The following ZNF618 variants were observed in gnomAD, a reference collection of about 807,000 sequenced individuals.
ZNF618 encodes neural precursor cell expressed, developmentally down-regulated 10.
In ZNF618, 34 loss-of-function variants were observed where a neutral mutation model predicts 103.0. That is an observed-to-expected ratio of 0.33 (90% CI 0.25 to 0.44). The LOEUF is 0.44. ZNF618 is among the 20% of genes least tolerant of loss of function. The probability of loss-of-function intolerance (pLI) is 1.00; values close to 1 mark genes in which losing one functional copy is unlikely to be tolerated. For synonymous variants in ZNF618, 551 were observed against 542.2 expected, an observed-to-expected ratio of 1.02 and a Z score of -0.23; for missense variants, 1,059 against 1,295.4, an observed-to-expected ratio of 0.82 and a Z score of 2.80.
chr9:113,970,578 A>T (rs1047826476), intron 2 of ZNF618, among the ~76,000 whole-genome samples: 7 of 152,016 alleles, frequency 4.6e-5, no homozygotes, highest in Admixed American at 1.3e-4. Context: ...GTCAACCCCT[A>T]GTCTAAACTG....
At chr9:114,004,521 C>T (rs1042747587) in intron 6 of ZNF618, among the ~76,000 whole-genome samples, 4 of 152,262 alleles carry the variant, frequency 2.6e-5, no homozygotes, top group South Asian at 4.1e-4. Flanking sequence ...TGTTGTGTTC[C>T]GTCTGGCTTC....
intron 13 of ZNF618, among the ~76,000 whole-genome samples, chr9:114,041,158 G>A (rs1441420001): frequency 3.9e-5 from 6 of 152,140 alleles, no homozygotes; most frequent in African/African-American, 7.2e-5. Context: ...CATATCCTTC[G>A]CCCCCTTTTT....
At chr9:113,964,111 C>G (rs1022147075) in intron 1 of ZNF618, among the ~76,000 whole-genome samples, 1 of 152,162 alleles carries the variant, frequency 6.6e-6, no homozygotes, top group African/African-American at 2.4e-5. Flanking sequence ...TTGAGCTTGG[C>G]TAGCTGAGGC....
rs542494620 is a variant in ZNF618 at position 113,881,129 on chromosome 9, C to T, written c.33+4716C>T. Among the ~76,000 whole-genome samples, 23 of 152,288 alleles carry T rather than the reference C, an allele frequency of 1.5e-4. No homozygotes were observed. The South Asian group carries it at 2.3e-3, about 15-fold the overall frequency. ...AAGGTCTTCTTGCTGGAGAGGAGAT[C>T]TAAAGTGTGTGGAGTCCTTGTCTTT... On this transcript the variant is annotated intron_variant, in intron 1 of 14. Transcript: ENST00000374126.
intron 2 of ZNF618, among the ~76,000 whole-genome samples, chr9:113,973,411 G>C (rs1011193646): frequency 7.2e-5 from 11 of 152,154 alleles, no homozygotes; most frequent in African/African-American, 2.7e-4. Context: ...TTTCTCCAGA[G>C]GGCCTCTGGC....
rs946312601 is a variant in ZNF618 at position 114,049,345 on chromosome 9, C to T, written c.2043C>T (p.Thr681=). 3 of 1,610,528 alleles carry T rather than the reference C, an allele frequency of 1.9e-6. No homozygotes were observed. The African/African-American group carries it at 4.0e-5, about 21-fold the overall frequency. ...LAGSTGLAKE[T]FGSLEETSPP... ...GCTCCACGGGCCTGGCCAAGGAGAC[C>T]TTCGGGTCGCTGGAGGAGACGTCTC... is the stretch of plus-strand genomic sequence containing the variant. The change falls in exon 15 of 15, where the codon ACC becomes ACT. Residue 681 remains threonine, a synonymous_variant. Transcript: ENST00000374126.
At chr9:113,888,834 CAG>C (rs916346806) in intron 1 of ZNF618, among the ~76,000 whole-genome samples, 2 of 152,280 alleles carry the variant, frequency 1.3e-5, no homozygotes, top group African/African-American at 4.8e-5. Context: ...GGCAGTTAAT[CAG>C]AGAATCAGAG....
intron 1 of ZNF618, among the ~76,000 whole-genome samples, chr9:113,906,530 A>G (rs554230946): frequency 2.3e-4 from 35 of 152,262 alleles, no homozygotes; most frequent in Admixed American, 2.6e-4. Flanking sequence ...CTTTCCTGAC[A>G]TCTACTGAAC....
chr9:113,922,472 GGTTT>G (rs1463794132), intron 1 of ZNF618, among the ~76,000 whole-genome samples: 2 of 108,218 alleles, frequency 1.8e-5, no homozygotes, highest in African/African-American at 6.1e-5. Context: ...GTTTTGTTTT[GGTTT>G]GTTTTTTTTT....
At chr9:113,927,833 T>C (rs868450159) in intron 1 of ZNF618, among the ~76,000 whole-genome samples, 1 of 152,336 alleles carries the variant, frequency 6.6e-6, no homozygotes, top group Middle Eastern at 3.4e-3. Context: ...GAGATTTTTC[T>C]TCCATCTTAA....
chr9:114,023,889 T>C (rs1021675124), intron 10 of ZNF618, among the ~76,000 whole-genome samples: 2 of 152,214 alleles, frequency 1.3e-5, no homozygotes, highest in Non-Finnish European at 2.9e-5. Context: ...ATTTCTTGGG[T>C]TAATAGTTTT....
intron 2 of ZNF618, among the ~76,000 whole-genome samples, chr9:113,973,881 T>C (rs1235564877): frequency 6.6e-6 from 1 of 152,164 alleles, no homozygotes; most frequent in Non-Finnish European, 1.5e-5. Flanking sequence ...TAGAAGAGGT[T>C]AAAGGGCTCA....
intron 2 of ZNF618, among the ~76,000 whole-genome samples, chr9:113,983,815 T>C (rs1839197065): frequency 6.6e-6 from 1 of 152,124 alleles, no homozygotes; most frequent in Non-Finnish European, 1.5e-5. Context: ...GGATAGGGCC[T>C]CTCCTGTGAT....
At chr9:113,951,577 A>ATG (rs33967417) in intron 1 of ZNF618, among the ~76,000 whole-genome samples, 751 of 49,134 alleles carry the variant, frequency 0.015, 146 homozygotes, top group African/African-American at 0.043. Flanking sequence ...GTGTGTGTAT[A>ATG]TGTGTGTGTG....
At chr9:113,961,046 G>A (rs1220066924) in intron 1 of ZNF618, among the ~76,000 whole-genome samples, 1 of 152,200 alleles carries the variant, frequency 6.6e-6, no homozygotes, top group Non-Finnish European at 1.5e-5. Context: ...TGCACGAGGT[G>A]CATGTCGCTC....
At position 113,933,996 on chromosome 9, in the gene ZNF618, G is replaced by A. The variant is rs369990852; in HGVS notation, c.34-35121G>A. ...CATTGCTAAGGACAAGGTCTAGGGT[G>A]TTACCTGGGAGCAGGGGTTGAGCTG... On this transcript the variant is annotated intron_variant, in intron 1 of 14. Transcript: ENST00000374126. Among the ~76,000 whole-genome samples the A allele has an allele frequency of 2.0e-5, 3 of 152,180 alleles. No individual in the cohort carries two copies. The East Asian group carries it at 5.8e-4, about 29-fold the overall frequency.
intron 1 of ZNF618, among the ~76,000 whole-genome samples, chr9:113,906,902 A>G (rs1831041846): frequency 6.6e-6 from 1 of 152,200 alleles, no homozygotes; most frequent in Non-Finnish European, 1.5e-5. Flanking sequence ...GTCATCGGAA[A>G]TGTGCTCTTC....
intron 6 of ZNF618, among the ~76,000 whole-genome samples, chr9:114,004,826 G>A (rs1473748540): frequency 6.6e-6 from 1 of 152,232 alleles, no homozygotes; most frequent in Non-Finnish European, 1.5e-5. Flanking sequence ...CAGGTTGTGA[G>A]TAGTGGAGGC....
intron 2 of ZNF618, among the ~76,000 whole-genome samples, chr9:113,972,832 C>A (rs545505410): frequency 6.6e-6 from 1 of 152,070 alleles, no homozygotes; most frequent in Non-Finnish European, 1.5e-5. Flanking sequence ...TTTGGGAGGC[C>A]GAGGCGGGCG....
Sources: gnomAD v4.1 joint callset for allele counts (sites outside exome capture counted in the v4.1 genomes callset) on GRCh38, gnomAD v4.1.1 for gene constraint, MANE v1.5 for transcripts, NCBI Gene and HGNC (gene_info 2026-07-23, HGNC 2026-07-21) for gene names.